The following TCF20 variants were observed in gnomAD, a reference collection of about 807,000 sequenced individuals.
TCF20 encodes SPRE-binding protein.
In TCF20, 3 loss-of-function variants were observed where a neutral mutation model predicts 148.6. The ratio of observed to expected loss-of-function variants is 0.02; its 90% CI spans 0.01 to 0.05. TCF20 has a LOEUF of 0.05. Among genes scored for constraint, TCF20 ranks in the 10% least tolerant of loss-of-function variants. The pLI is 1.00. For missense variants in TCF20, 2,350 were observed against 2,429.3 expected (o/e 0.97, Z 0.69); for synonymous variants, 1,049 against 909.5 (o/e 1.15, Z -2.76).
rs918916235 is a variant in TCF20 at position 42,226,726 on chromosome 22, T to C, written c.-36-11385A>G. On this transcript the variant is annotated intron_variant, in intron 1 of 5. Coordinates refer to ENST00000677622, the MANE Select transcript of TCF20 (RefSeq NM_001378418.1). ...TCTGTCTCTTAAAAAGAAATAATAA[T>C]AAAACAAACAAATACAATTCTGAAT... Among the ~76,000 whole-genome samples the C allele has an allele frequency of 6.6e-5, 10 of 151,736 alleles. No individual in the cohort carries two copies. In the South Asian group the frequency reaches 1.9e-3, roughly 28 times the overall value.
At chr22:42,224,299 G>A (rs192289650) in intron 1 of TCF20, among the ~76,000 whole-genome samples, 317 of 151,860 alleles carry the variant, frequency 2.1e-3, no homozygotes, top group African/African-American at 7.2e-3. Context: ...GTGAAACCCC[G>A]TCTCTACTAA....
At chr22:42,296,347 C>T (rs1927236778) in intron 1 of TCF20, among the ~76,000 whole-genome samples, 2 of 152,224 alleles carry the variant, frequency 1.3e-5, no homozygotes, top group African/African-American at 4.8e-5. Flanking sequence ...GTGAACAGCT[C>T]CCACTGCCCT....
intron 2 of TCF20, among the ~76,000 whole-genome samples, chr22:42,184,668 G>A (rs919055234): frequency 6.6e-6 from 1 of 152,156 alleles, no homozygotes; most frequent in African/African-American, 2.4e-5. Flanking sequence ...CAGGAAGAAT[G>A]AGACACATTG....
At chr22:42,236,547 A>C (rs549208180) in intron 1 of TCF20, among the ~76,000 whole-genome samples, 1 of 152,250 alleles carries the variant, frequency 6.6e-6, no homozygotes, top group Non-Finnish European at 1.5e-5. Flanking sequence ...ACTTGGAGGC[A>C]GATGGCCTCT....
intron 1 of TCF20, among the ~76,000 whole-genome samples, chr22:42,267,965 G>A (rs748527029): frequency 1.1e-4 from 17 of 152,118 alleles, no homozygotes; most frequent in Non-Finnish European, 2.4e-4. Flanking sequence ...GGCTAACATG[G>A]CGAAATGTTG....
chr22:42,210,720 G>A lies in TCF20; in HGVS notation c.4586C>T (p.Pro1529Leu). 2 of 1,614,206 alleles carry A rather than the reference G, an allele frequency of 1.2e-6. No homozygotes were observed. The highest frequency in any genetic ancestry group is 1.7e-6 in the Non-Finnish European group (2 of 1,180,026). The change falls in exon 2 of 6, where the codon CCT becomes CTT. Residue 1529 changes from proline (P) to leucine (L), a missense_variant. By Grantham distance (98) the Pro-to-Leu change is moderately conservative (BLOSUM62 -3). Coordinates refer to ENST00000677622, the MANE Select transcript of TCF20 (RefSeq NM_001378418.1). This position sits in a 1 kb window ranked among gnomAD's most constrained non-coding sequence, Gnocchi z 4.7. Reference sequence around the variant, plus strand: ...TCCTGATGGGAAATATCCCTTTGGAGGGAAACCCTCTTGCTTCGGTGAAAT... The same window carrying A: ...TCCTGATGGGAAATATCCCTTTGGAAGGAAACCCTCTTGCTTCGGTGAAAT... ...VTISPKQEGF[P>L]PKGYFPSGKK...
Position 42,317,171 on chromosome 22 carries a change from C to T in TCF20, c.-37+26308G>A, listed in dbSNP as rs558301943. Among the ~76,000 whole-genome samples, 4 of 152,202 alleles carry T rather than the reference C, an allele frequency of 2.6e-5. No individual in the cohort carries two copies. The highest frequency in any genetic ancestry group is 5.9e-5 in the Non-Finnish European group (4 of 68,044). On this transcript the variant is annotated intron_variant, in intron 1 of 1. Transcript: ENST00000515426. This position sits in a 1 kb window ranked among gnomAD's most constrained non-coding sequence, Gnocchi z 4.2. ...CACGTCTGACTCACCCCACCTTCCC[C>T]GCCCGCCCTCACTCGGCACACCCTC...
chr22:42,185,611 C>T (rs1395594394), intron 2 of TCF20, among the ~76,000 whole-genome samples: 1 of 152,132 alleles, frequency 6.6e-6, no homozygotes, highest in East Asian at 1.9e-4. Context: ...TACGTGGCAG[C>T]TAGATGGGCT....
chr22:42,295,299 TACCCTTTCAGCCCC>T (rs1487532984), intron 1 of TCF20, among the ~76,000 whole-genome samples: 5 of 152,140 alleles, frequency 3.3e-5, no homozygotes, highest in Non-Finnish European at 7.4e-5. Context: ...GAGCCAGCCC[TACCCTTTCAGCCCC>T]ATTCACTCCA....
Position 42,213,728 on chromosome 22 carries a change from A to G in TCF20, c.1578T>C (p.Ser526=), listed in dbSNP as rs1409612631. The change falls in exon 2 of 6, where the codon AGT becomes AGC. Residue 526 remains serine (S), a synonymous_variant. Transcript: ENST00000677622. ...AESLDGGCSS[S]SEDQGERVRQ... is the part of the protein sequence containing the mutation. ...GCACTCTCTCGCCTTGATCCTCTGA[A>G]CTGCTGGAGCAGCCTCCATCTAATG... is the stretch of plus-strand genomic sequence containing the variant. The G allele has an allele frequency of 6.2e-7, 1 of 1,613,876 alleles. No individual in the cohort carries two copies. Among genetic ancestry groups the G allele is most frequent in the Non-Finnish European group, 8.5e-7 (1 of 1,179,972 alleles).
intron 1 of TCF20, among the ~76,000 whole-genome samples, chr22:42,296,966 C>T (rs1018256867): frequency 6.6e-6 from 1 of 152,256 alleles, no homozygotes; most frequent in Non-Finnish European, 1.5e-5. Context: ...CACTCCGGCA[C>T]TGACATCTCT....
At chr22:42,163,985 G>A (rs1284485201) in intron 5 of TCF20, among the ~76,000 whole-genome samples, 1 of 151,940 alleles carries the variant, frequency 6.6e-6, no homozygotes, top group African/African-American at 2.4e-5. Context: ...TTCCACATCA[G>A]ACTCCAAGCC....
chr22:42,273,325 A>C (rs134880), upstream of TCF20, among the ~76,000 whole-genome samples: 1 of 145,730 alleles, frequency 6.9e-6, no homozygotes, highest in African/African-American at 2.6e-5. Flanking sequence ...GTGCTGTTGC[A>C]CTCCAGCCTG....
intron 3 of TCF20, among the ~76,000 whole-genome samples, chr22:42,178,180 G>A (rs1478839248): frequency 1.3e-5 from 2 of 152,092 alleles, no homozygotes; most frequent in African/African-American, 2.4e-5. Flanking sequence ...CCACACATCT[G>A]GCCCTATGTT....
chr22:42,303,897 G>C (rs928390720), intron 1 of TCF20, among the ~76,000 whole-genome samples: 2 of 151,814 alleles, frequency 1.3e-5, no homozygotes, highest in African/African-American at 2.4e-5. Context: ...AAGGGGGAGA[G>C]GGGAGAGAGA....
intron 1 of TCF20, among the ~76,000 whole-genome samples, chr22:42,226,717 AAATAAT>A (rs1387550915): frequency 1.3e-5 from 2 of 152,198 alleles, no homozygotes; most frequent in Non-Finnish European, 2.9e-5. Flanking sequence ...TCTTAAAAAG[AAATAAT>A]AATAAAACAA....
At chr22:42,296,071 G>A (rs1016346437) in intron 1 of TCF20, among the ~76,000 whole-genome samples, 1 of 152,250 alleles carries the variant, frequency 6.6e-6, no homozygotes, top group African/African-American at 2.4e-5. Context: ...ATGGGGGTAA[G>A]AACAGTCCTT....
At chr22:42,341,824 A>C (rs1928174449) in intron 1 of TCF20, among the ~76,000 whole-genome samples, 1 of 152,156 alleles carries the variant, frequency 6.6e-6, no homozygotes, top group African/African-American at 2.4e-5. Flanking sequence ...GAGAGCAATA[A>C]TGGAAGGATT....
chr22:42,234,095 C>A (rs1257418350), intron 1 of TCF20, among the ~76,000 whole-genome samples: 1 of 152,150 alleles, frequency 6.6e-6, no homozygotes, highest in East Asian at 1.9e-4. Flanking sequence ...GAAACAGACA[C>A]GTTTAAAATT....
Sources: allele counts gnomAD v4.1 joint callset (sites outside exome capture counted in the v4.1 genomes callset), GRCh38; gene constraint gnomAD v4.1.1; non-coding constraint Gnocchi (gnomAD v3.1); transcripts MANE v1.5; gene names NCBI Gene and HGNC (gene_info 2026-07-23, HGNC 2026-07-21).